TGM6: variants seen among roughly 807,000 people sequenced by gnomAD.
The protein encoded by TGM6 is transglutaminase 6.
Under a neutral mutation model 77.5 loss-of-function variants are expected in TGM6, and 74 were observed. The ratio of observed to expected loss-of-function variants is 0.96; its 90% CI spans 0.79 to 1.16. The LOEUF is 1.16. Ranked by LOEUF, TGM6 falls within the 50% of genes most tolerant of loss-of-function variation. The pLI is 0.00. For missense variants in TGM6, 968 were observed against 940.2 expected (o/e 1.03, Z -0.39); for synonymous variants, 383 against 378.9 (o/e 1.01, Z -0.12).
At chr20:2,399,427 A>G in intron 5 of TGM6, 134 bp from the exon 6 acceptor site, 1 of 1,210,604 alleles carries the variant, frequency 8.3e-7, no homozygotes, top group Non-Finnish European at 1.2e-6. Context: ...GATGCCCCTA[A>G]TTTTCAGACA....
chr20:2,432,391 A>G (rs1245928144), intron 12 of TGM6, 99 bp from the exon 13 acceptor site: 26 of 1,480,190 alleles, frequency 1.8e-5, no homozygotes, highest in Non-Finnish European at 2.4e-5. Flanking sequence ...CACAAGGTGA[A>G]CTTGATCCTG....
chr20:2,427,898 G>A (rs1049261383), intron 10 of TGM6, among the ~76,000 whole-genome samples: 1 of 152,266 alleles, frequency 6.6e-6, no homozygotes, highest in Non-Finnish European at 1.5e-5. Context: ...TGAGACTACA[G>A]GCACGTGCCC....
chr20:2,383,856 A>AT (rs1429585223), intron 1 of TGM6, among the ~76,000 whole-genome samples: 1 of 152,090 alleles, frequency 6.6e-6, no homozygotes, highest in Non-Finnish European at 1.5e-5. Context: ...TCCTGTCATC[A>AT]TAGCACTTTG....
chr20:2,387,653 T>A (rs1002864878), intron 1 of TGM6, among the ~76,000 whole-genome samples: 1 of 152,196 alleles, frequency 6.6e-6, no homozygotes, highest in African/African-American at 2.4e-5. Context: ...GTTGGGAGGT[T>A]GTTGTGGTCT....
At chr20:2,401,340 T>C (rs985322249) in intron 7 of TGM6, among the ~76,000 whole-genome samples, 1 of 151,996 alleles carries the variant, frequency 6.6e-6, no homozygotes, top group Non-Finnish European at 1.5e-5. Context: ...AGCCTCCCCA[T>C]CCTCCTCCTG....
rs749578418 is a variant in TGM6 at position 2,403,789 on chromosome 20, C to T, written c.1302C>T (p.Arg434=). 1.4e-5 allele frequency: 23 copies of T among 1,614,018 alleles called. No homozygotes were observed. Among genetic ancestry groups the T allele is most frequent in the Non-Finnish European group, 1.7e-5 (20 of 1,180,046 alleles). Residue 434 remains arginine, a synonymous_variant, in exon 9 of 13, where the codon CGC becomes CGT. Transcript: ENST00000202625. ...ISTKAVGSDS[R]VDITDLYKYP... ...CCAAGGCGGTGGGCAGTGACTCCCGCGTGGACATCACTGACCTCTACAAGT... is the reference window on the plus strand; with the variant it reads ...CCAAGGCGGTGGGCAGTGACTCCCGTGTGGACATCACTGACCTCTACAAGT...
In TGM6 at chr20:2,403,772, G is replaced by C. The variant is rs1251471363; in HGVS notation, c.1285G>C (p.Val429Leu). Residue 429 changes from valine (V) to leucine (L), a missense_variant, in exon 9 of 13, where the codon GTG becomes CTG. Coordinates refer to ENST00000202625, the MANE Select transcript of TGM6 (RefSeq NM_198994.3). ...TGGGAGATGCATCAGCACCAAGGCG[G>C]TGGGCAGTGACTCCCGCGTGGACAT... ...KIGRCISTKA[V>L]GSDSRVDITD... The C allele has an allele frequency of 6.2e-7, 1 of 1,614,076 alleles. No individual in the cohort carries two copies. Among genetic ancestry groups the C allele is most frequent in the Admixed American group, 1.7e-5 (1 of 60,000 alleles).
chr20:2,407,755 G>A (rs888794055), intron 9 of TGM6, among the ~76,000 whole-genome samples: 141 of 152,218 alleles, frequency 9.3e-4, no homozygotes, highest in African/African-American at 3.4e-3. Flanking sequence ...TCCCTGCTAT[G>A]CTAGACTGCA....
intron 1 of TGM6, among the ~76,000 whole-genome samples, chr20:2,386,157 G>A (rs1031611667): frequency 6.6e-5 from 10 of 152,126 alleles, no homozygotes; most frequent in African/African-American, 1.9e-4. Flanking sequence ...GTCCCCATGA[G>A]GACTAAGAGG....
chr20:2,426,103 A>G (rs918937139), intron 10 of TGM6, among the ~76,000 whole-genome samples: 12 of 152,198 alleles, frequency 7.9e-5, no homozygotes, highest in Non-Finnish European at 1.6e-4. Flanking sequence ...AAAAATTGAC[A>G]TTTTGACAAT....
chr20:2,404,829 C>T (rs1040816058), intron 9 of TGM6, among the ~76,000 whole-genome samples: 4 of 152,082 alleles, frequency 2.6e-5, no homozygotes, highest in South Asian at 2.1e-4. Context: ...TTAGTAGAGA[C>T]GGGGTTTCAC....
intron 1 of TGM6, among the ~76,000 whole-genome samples, chr20:2,384,711 T>C (rs1035585470): frequency 6.6e-6 from 1 of 152,128 alleles, no homozygotes; most frequent in Non-Finnish European, 1.5e-5. Flanking sequence ...ATCAGGCTTC[T>C]AGTTGCTGTG....
intron 10 of TGM6, among the ~76,000 whole-genome samples, chr20:2,424,987 T>G (rs2084878393): frequency 6.6e-6 from 1 of 152,170 alleles, no homozygotes; most frequent in East Asian, 1.9e-4. Context: ...TTCAACATCT[T>G]ACAGGGCATG....
At chr20:2,432,402 AG>A in intron 12 of TGM6, 87 bp from the exon 13 acceptor site, 1 of 1,537,976 alleles carries the variant, frequency 6.5e-7, no homozygotes, top group Non-Finnish European at 9.0e-7. Flanking sequence ...CTTGATCCTG[AG>A]GAGCCTGGGG....
rs752150201 is a variant in TGM6, at chr20:2,425,861, G to A, written c.1679-4585G>A. Among the ~76,000 whole-genome samples the A allele has an allele frequency of 5.9e-5, 9 of 152,098 alleles. No individual in the cohort carries two copies. In the South Asian group the frequency reaches 6.2e-4, roughly 11 times the overall value. Reference sequence around the variant, plus strand: ...TTATCTGTATCTTTTCTTCGTGTTCGAAACTATACAATTTATTCTAGCTAT... The same window carrying A: ...TTATCTGTATCTTTTCTTCGTGTTCAAAACTATACAATTTATTCTAGCTAT... On this transcript the variant is annotated intron_variant, in intron 10 of 12. Transcript: ENST00000202625.
At chr20:2,425,686 A>T (rs955219058) in intron 10 of TGM6, among the ~76,000 whole-genome samples, 1 of 152,156 alleles carries the variant, frequency 6.6e-6, no homozygotes, top group South Asian at 2.1e-4. Flanking sequence ...TTGCCTCTTG[A>T]CATAAACTTT....
At chr20:2,425,175 T>C (rs937630366) in intron 10 of TGM6, among the ~76,000 whole-genome samples, 10 of 151,902 alleles carry the variant, frequency 6.6e-5, no homozygotes, top group African/African-American at 2.4e-4. Context: ...ACCCCATCTC[T>C]ACAAAAAATT....
intron 9 of TGM6, among the ~76,000 whole-genome samples, chr20:2,412,537 G>A (rs2084791147): frequency 6.6e-6 from 1 of 152,042 alleles, no homozygotes. Flanking sequence ...GACAAAAGAA[G>A]AGAGGGAGGA....
At chr20:2,400,230 G>A in intron 6 of TGM6, 76 bp from the exon 7 acceptor site, 2 of 1,604,076 alleles carry the variant, frequency 1.2e-6, no homozygotes, top group African/African-American at 2.7e-5. Context: ...AAATGAGCCA[G>A]GGCGCCTGCT....
Sources: gnomAD v4.1 joint callset for allele counts (sites outside exome capture counted in the v4.1 genomes callset) on GRCh38, gnomAD v4.1.1 for gene constraint, MANE v1.5 for transcripts, NCBI Gene and HGNC (gene_info 2026-07-23, HGNC 2026-07-21) for gene names.